Variants in KIAA1328 observed in about 807,000 individuals in gnomAD.
The protein encoded by KIAA1328 is protein hinderin.
A neutral mutation model predicts 68.1 loss-of-function variants in KIAA1328; 52 were observed. That is an observed-to-expected ratio of 0.76 (90% CI 0.61 to 0.96). The LOEUF (loss-of-function observed/expected upper bound fraction) is 0.96. Among genes scored for constraint, KIAA1328 ranks in the 40% least tolerant of loss-of-function variants. The pLI is 0.00. For synonymous variants in KIAA1328, 232 were observed against 239.4 expected (o/e 0.97, Z 0.28); for missense variants, 641 against 677.6 (o/e 0.95, Z 0.60).
intron 5 of KIAA1328, among the ~76,000 whole-genome samples, chr18:36,912,868 C>T (rs2151076866): frequency 6.6e-6 from 1 of 152,192 alleles, no homozygotes; most frequent in Middle Eastern, 3.4e-3. Flanking sequence ...TTATTTGCTC[C>T]CAAAATGGTG....
At chr18:37,120,221 C>CTGTGACTACTCGG (rs150232999) in intron 7 of KIAA1328, among the ~76,000 whole-genome samples, 2 of 151,860 alleles carry the variant, frequency 1.3e-5, no homozygotes. Context: ...ACCAATTAGT[C>CTGTGACTACTCGG]TGTGATCTAA....
intron 7 of KIAA1328, chr18:37,074,732 G>C (rs2056654201): frequency 6.2e-6 from 1 of 161,064 alleles, no homozygotes; most frequent in African/African-American, 2.4e-5. Flanking sequence ...TTTGCCTTTG[G>C]TTTGAATTTC....
chr18:37,061,654 G>GA (rs1309056509), intron 6 of KIAA1328, among the ~76,000 whole-genome samples: 2 of 152,144 alleles, frequency 1.3e-5, no homozygotes, highest in African/African-American at 4.8e-5. Context: ...GCTCCAGAAA[G>GA]AAAAATACAT....
At chr18:37,191,400 T>C (rs997000778) in intron 9 of KIAA1328, among the ~76,000 whole-genome samples, 3 of 152,228 alleles carry the variant, frequency 2.0e-5, no homozygotes, top group Non-Finnish European at 2.9e-5. Context: ...CACTAATTCT[T>C]ATTCTCTCCT....
intron 6 of KIAA1328, among the ~76,000 whole-genome samples, chr18:36,965,952 C>T (rs2051916048): frequency 6.6e-6 from 1 of 151,018 alleles, no homozygotes; most frequent in South Asian, 2.1e-4. Context: ...AGGTGTGAGG[C>T]ACATTATACT....
chr18:36,989,625 C>G (rs527392143), intron 6 of KIAA1328, among the ~76,000 whole-genome samples: 22 of 152,296 alleles, frequency 1.4e-4, no homozygotes, highest in African/African-American at 5.3e-4. Context: ...AGTCGTGTGC[C>G]CATGAGCCAA....
intron 8 of KIAA1328, among the ~76,000 whole-genome samples, chr18:37,168,158 A>G (rs1187503820): frequency 3.3e-5 from 5 of 152,260 alleles, no homozygotes; most frequent in East Asian, 1.9e-4. Flanking sequence ...ACAAAATCCA[A>G]CATTCTTTCA....
intron 6 of KIAA1328, among the ~76,000 whole-genome samples, chr18:37,020,835 G>T (rs2054320282): frequency 6.6e-6 from 1 of 152,132 alleles, no homozygotes. Context: ...GACTGAGTTG[G>T]CTCATTCAAA....
intron 6 of KIAA1328, among the ~76,000 whole-genome samples, chr18:36,974,708 C>T (rs184194461): frequency 1.4e-4 from 21 of 152,134 alleles, no homozygotes; most frequent in Non-Finnish European, 2.2e-4. Flanking sequence ...TTTAGTTATT[C>T]GAGAAATCTC....
In KIAA1328 at chr18:36,835,355, A is replaced by G. The variant is rs1339071009; in HGVS notation, c.216A>G (p.Thr72=). Residue 72 remains threonine, a synonymous_variant, in exon 3 of 10, where the codon ACA becomes ACG. Transcript: ENST00000280020. ...TCTCCATGGAGTCCTTAAAAGGCAC[A>G]GGAGATTCAGTAGATGAACAGGTTA... ...ASISMESLKG[T]GDSVDEQNSC... 5 of 1,612,336 alleles carry G rather than the reference A, an allele frequency of 3.1e-6. No individual in the cohort carries two copies. Among genetic ancestry groups the G allele is most frequent in the Non-Finnish European group, 4.2e-6 (5 of 1,179,320 alleles).
chr18:37,076,079 G>T (rs2056722721), intron 7 of KIAA1328, among the ~76,000 whole-genome samples: 1 of 152,100 alleles, frequency 6.6e-6, no homozygotes, highest in Non-Finnish European at 1.5e-5. Flanking sequence ...CCACATAGTT[G>T]GAAGTAAAGC....
At chr18:36,847,218 C>T (rs941515381) in intron 4 of KIAA1328, among the ~76,000 whole-genome samples, 7 of 151,596 alleles carry the variant, frequency 4.6e-5, no homozygotes, top group Middle Eastern at 3.4e-3. Context: ...ATGAATGAAG[C>T]TTCCACAAAC....
intron 5 of KIAA1328, among the ~76,000 whole-genome samples, chr18:36,908,753 G>T (rs186768336): frequency 1.3e-3 from 194 of 152,180 alleles, no homozygotes; most frequent in Non-Finnish European, 2.1e-3. Flanking sequence ...TTGCAGCTGT[G>T]TGAATCCAGA....
Position 37,158,395 on chromosome 18 carries a change from C to G in KIAA1328, c.1233-1805C>G, listed in dbSNP as rs553504768. ...GCAATAGGTATTAAAGTGCTCTTGTCCCCACACGCTCACTGACACTGGGTA... is the reference window on the plus strand; with the variant it reads ...GCAATAGGTATTAAAGTGCTCTTGTGCCCACACGCTCACTGACACTGGGTA... On this transcript the variant is annotated intron_variant, in intron 7 of 9. Coordinates refer to ENST00000280020, the MANE Select transcript of KIAA1328 (RefSeq NM_020776.3). Among the ~76,000 whole-genome samples, 12 of 152,170 alleles carry G rather than the reference C, an allele frequency of 7.9e-5. No individual in the cohort carries two copies. In the East Asian group the frequency reaches 2.3e-3, roughly 30 times the overall value.
chr18:37,077,913 T>C (rs189315041), intron 7 of KIAA1328, among the ~76,000 whole-genome samples: 8 of 152,082 alleles, frequency 5.3e-5, no homozygotes, highest in African/African-American at 1.9e-4. Context: ...CCAAGGTAAT[T>C]TATAGATTCA....
chr18:37,113,334 A>C (rs941273867), intron 7 of KIAA1328, among the ~76,000 whole-genome samples: 2 of 152,254 alleles, frequency 1.3e-5, no homozygotes, highest in Non-Finnish European at 2.9e-5. Flanking sequence ...ACAAGCCAGA[A>C]GAGAGTGGGG....
At chr18:37,005,126 T>C (rs1190596797) in intron 6 of KIAA1328, among the ~76,000 whole-genome samples, 1 of 151,952 alleles carries the variant, frequency 6.6e-6, no homozygotes, top group African/African-American at 2.4e-5. Flanking sequence ...TGAGTGATGA[T>C]GGTTCAGTGT....
rs181622782 is a variant in KIAA1328 at position 37,225,187 on chromosome 18, G to A, written c.*2960G>A. On this transcript the variant is annotated 3_prime_UTR_variant, in exon 10 of 10. Transcript: ENST00000280020. ...GAGGCCTGATGGGGCAGAGCTGGAC[G>A]AAGTCTGCTAAGAGAGATGGAGGCT... 4.4e-5 allele frequency: 43 copies of A among 985,504 alleles called. No homozygotes were observed. Among genetic ancestry groups the A allele is most frequent in the African/African-American group, 3.7e-4 (21 of 57,372 alleles). The allele number at this position is 985,504 out of a possible 1,614,324, so 61.0% of individuals were successfully genotyped here.
At chr18:36,859,162 A>G (rs901969697) in intron 4 of KIAA1328, among the ~76,000 whole-genome samples, 1 of 151,994 alleles carries the variant, frequency 6.6e-6, no homozygotes, top group African/African-American at 2.4e-5. Context: ...TTATATCTTA[A>G]TATCTGTGTG....
Sources: gnomAD v4.1 joint callset for allele counts (sites outside exome capture counted in the v4.1 genomes callset) on GRCh38, gnomAD v4.1.1 for gene constraint, MANE v1.5 for transcripts, NCBI Gene and HGNC (gene_info 2026-07-23, HGNC 2026-07-21) for gene names.